VSNL1: variants seen among roughly 807,000 people sequenced by gnomAD.
VSNL1 encodes visinin like 1.
In VSNL1, 6 loss-of-function variants were observed where a neutral mutation model predicts 20.4. The observed-to-expected ratio is 0.29, with a 90% CI of 0.16 to 0.58. The LOEUF is 0.58. VSNL1 is among the 20% of genes least tolerant of loss of function. VSNL1 has a pLI of 0.90. For synonymous variants in VSNL1, 93 were observed against 86.4 expected, an observed-to-expected ratio of 1.08 and a Z score of -0.42; for missense variants, 100 against 234.5, an observed-to-expected ratio of 0.43 and a Z score of 3.75.
chr2:17,638,724 C>T (rs1360505465), intron 2 of VSNL1, among the ~76,000 whole-genome samples: 1 of 152,230 alleles, frequency 6.6e-6, no homozygotes, highest in Non-Finnish European at 1.5e-5. Context: ...GAGATTTCCC[C>T]TCTGCCCTGA....
intron 2 of VSNL1, among the ~76,000 whole-genome samples, chr2:17,641,280 C>T (rs1164093519): frequency 2.6e-5 from 4 of 152,194 alleles, no homozygotes; most frequent in African/African-American, 9.7e-5. Flanking sequence ...GAAGACAGTA[C>T]GAAGGGAGTG....
chr2:17,631,636 T>G (rs940821685), intron 2 of VSNL1, among the ~76,000 whole-genome samples: 1 of 152,240 alleles, frequency 6.6e-6, no homozygotes, highest in Non-Finnish European at 1.5e-5. Context: ...TGAAGACGTT[T>G]TAAACCATTG....
At chr2:17,574,113 G>A (rs763389862) in intron 1 of VSNL1, among the ~76,000 whole-genome samples, 6 of 151,954 alleles carry the variant, frequency 3.9e-5, no homozygotes, top group Admixed American at 6.6e-5. Context: ...TTCAAGTTTC[G>A]AAGCTTGTCC....
chr2:17,574,534 G>A (rs1448577018), intron 1 of VSNL1, among the ~76,000 whole-genome samples: 1 of 152,144 alleles, frequency 6.6e-6, no homozygotes. Flanking sequence ...ATTCAAGTTA[G>A]TCCTTTCAAA....
intron 1 of VSNL1, among the ~76,000 whole-genome samples, chr2:17,549,431 A>G (rs537960013): frequency 4.6e-5 from 7 of 152,346 alleles, no homozygotes; most frequent in African/African-American, 1.4e-4. Context: ...AGTATGTTCA[A>G]TGTACTGTAA....
intron 1 of VSNL1, among the ~76,000 whole-genome samples, chr2:17,552,567 C>A (rs1663569582): frequency 6.6e-6 from 1 of 152,118 alleles, no homozygotes; most frequent in South Asian, 2.1e-4. Context: ...TGTTTCACTG[C>A]CGTCCCCATC....
intron 2 of VSNL1, among the ~76,000 whole-genome samples, chr2:17,643,054 A>T (rs1391329175): frequency 6.6e-6 from 1 of 152,064 alleles, no homozygotes; most frequent in African/African-American, 2.4e-5. Flanking sequence ...GAGAGCCTAC[A>T]TGTGGAAGGA....
intron 2 of VSNL1, among the ~76,000 whole-genome samples, chr2:17,635,017 G>C (rs1665720745): frequency 6.6e-6 from 1 of 152,274 alleles, no homozygotes; most frequent in South Asian, 2.1e-4. Context: ...GGCACATGAG[G>C]GTTTGTTTTT....
chr2:17,630,393 C>T (rs755634487), intron 2 of VSNL1, among the ~76,000 whole-genome samples: 2 of 152,214 alleles, frequency 1.3e-5, no homozygotes, highest in Non-Finnish European at 2.9e-5. Context: ...GCAGAAGCCT[C>T]ATCAGTTGAG....
intron 1 of VSNL1, among the ~76,000 whole-genome samples, chr2:17,552,384 T>C (rs1663564994): frequency 6.6e-6 from 1 of 152,162 alleles, no homozygotes; most frequent in African/African-American, 2.4e-5. Context: ...TATTAAGTGA[T>C]AAATGTGTTG....
chr2:17,611,939 G>C (rs1472247116), intron 2 of VSNL1, among the ~76,000 whole-genome samples: 2 of 152,196 alleles, frequency 1.3e-5, no homozygotes, highest in Non-Finnish European at 2.9e-5. Context: ...CTGTTCAGGG[G>C]ACTTTCTTTA....
At chr2:17,546,829 G>A (rs992454971) in intron 1 of VSNL1, among the ~76,000 whole-genome samples, 9 of 151,980 alleles carry the variant, frequency 5.9e-5, no homozygotes, top group African/African-American at 2.2e-4. Context: ...GTTAATGGAA[G>A]ACTATCAATT....
chr2:17,619,056 C>T (rs1182911011), intron 2 of VSNL1, among the ~76,000 whole-genome samples: 1 of 152,176 alleles, frequency 6.6e-6, no homozygotes, highest in East Asian at 1.9e-4. Context: ...TACTGAATAA[C>T]CACTGTGTGC....
chr2:17,595,379 C>G (rs1664689025), intron 2 of VSNL1, among the ~76,000 whole-genome samples: 1 of 152,084 alleles, frequency 6.6e-6, no homozygotes, highest in Admixed American at 6.6e-5. Flanking sequence ...TGATTCACCA[C>G]AATGTAATGT....
Position 17,649,284 on chromosome 2 carries a change from C to A in VSNL1, c.163-126C>A, listed in dbSNP as rs778407203. 32 of 905,496 alleles carry A rather than the reference C, an allele frequency of 3.5e-5. No individual in the cohort carries two copies. The highest frequency in any genetic ancestry group is 5.3e-5 in the Non-Finnish European group (30 of 571,326). 56.1% of individuals were successfully genotyped at this position (905,496 alleles called of 1,614,324 possible). ...CCTTGCCCTTGACAGTCAGGCCAAA[C>A]TGCTCTCCAATGGGTGAGGCTCCGA... is the stretch of plus-strand genomic sequence containing the variant. On this transcript the variant is annotated intron_variant, in intron 2 of 3. Coordinates refer to ENST00000295156, the MANE Select transcript of VSNL1 (RefSeq NM_003385.5). This position sits in a 1 kb window ranked among gnomAD's most constrained non-coding sequence, Gnocchi z 6.4.
At chr2:17,582,170 T>G (rs1219338033) in intron 1 of VSNL1, among the ~76,000 whole-genome samples, 1 of 151,788 alleles carries the variant, frequency 6.6e-6, no homozygotes, top group African/African-American at 2.4e-5. Context: ...TATTAGGAAG[T>G]TGTAGCATAG....
chr2:17,640,960 G>A (rs1270213749), intron 2 of VSNL1, among the ~76,000 whole-genome samples: 1 of 152,234 alleles, frequency 6.6e-6, no homozygotes, highest in Non-Finnish European at 1.5e-5. Flanking sequence ...TATCAAATGT[G>A]TTCAACTTCT....
At chr2:17,654,025 C>A (rs1018540222) in intron 3 of VSNL1, among the ~76,000 whole-genome samples, 3 of 152,168 alleles carry the variant, frequency 2.0e-5, no homozygotes, top group African/African-American at 7.2e-5. Flanking sequence ...GAGATTTATC[C>A]ATGCTGTAGC....
intron 2 of VSNL1, among the ~76,000 whole-genome samples, chr2:17,623,758 T>A (rs1011820727): frequency 1.1e-4 from 16 of 151,896 alleles, no homozygotes; most frequent in African/African-American, 3.9e-4. Context: ...GACTAAAGGC[T>A]GCTGGGATAT....
Sources: allele counts gnomAD v4.1 joint callset (sites outside exome capture counted in the v4.1 genomes callset), GRCh38; gene constraint gnomAD v4.1.1; non-coding constraint Gnocchi (gnomAD v3.1); transcripts MANE v1.5; gene names NCBI Gene and HGNC (gene_info 2026-07-23, HGNC 2026-07-21).